Variants in PDE6A observed in about 807,000 individuals in gnomAD.
PDE6A encodes the protein phosphodiesterase 6A, also known as rod cGMP-specific 3',5'-cyclic phosphodiesterase subunit alpha.
In PDE6A, 84 loss-of-function variants were observed where a neutral mutation model predicts 106.3. The observed-to-expected ratio is 0.79, with a 90% CI of 0.66 to 0.95. PDE6A has a LOEUF of 0.95. Ranked by LOEUF, PDE6A falls within the 40% of genes least tolerant of loss-of-function variation. The pLI, the probability that PDE6A is intolerant of heterozygous loss-of-function variation, is 0.00. For synonymous variants in PDE6A, 394 were observed against 386.6 expected, an observed-to-expected ratio of 1.02 and a Z score of -0.23; for missense variants, 1,052 against 1,084.9, an observed-to-expected ratio of 0.97 and a Z score of 0.43.
At chr5:149,898,024 A>C (rs1172038911) in intron 10 of PDE6A, among the ~76,000 whole-genome samples, 1 of 152,202 alleles carries the variant, frequency 6.6e-6, no homozygotes, top group African/African-American at 2.4e-5. Context: ...GTAGCAAGTC[A>C]TCCCTGAGCA....
intron 7 of PDE6A, among the ~76,000 whole-genome samples, chr5:149,906,531 A>AAAAAAAAAAAAAAAAAAAAAG (rs1753194394): frequency 6.7e-6 from 1 of 148,434 alleles, no homozygotes; most frequent in Non-Finnish European, 1.5e-5. Flanking sequence ...AAAAAAAAAA[A>AAAAAAAAAAAAAAAAAAAAAG]AAAAAAATCC....
chr5:149,870,850 G>C (rs1259816950), intron 17 of PDE6A, among the ~76,000 whole-genome samples: 1 of 117,748 alleles, frequency 8.5e-6, no homozygotes, highest in African/African-American at 3.4e-5. Flanking sequence ...GAAAAAAGAA[G>C]AAGAAAGAAA....
chr5:149,866,844 T>C (rs1208035324), intron 19 of PDE6A: 1 of 154,292 alleles, frequency 6.5e-6, no homozygotes, highest in Non-Finnish European at 1.4e-5. Flanking sequence ...AAAAATGCAC[T>C]GGAAGGAATT....
chr5:149,875,778 G>A (rs1760717549), intron 17 of PDE6A, among the ~76,000 whole-genome samples: 1 of 152,214 alleles, frequency 6.6e-6, no homozygotes, highest in African/African-American at 2.4e-5. Context: ...TGTGGCCACT[G>A]TGCCTGGCCA....
chr5:149,903,966 G>A (rs1753083226), intron 7 of PDE6A, among the ~76,000 whole-genome samples: 1 of 152,204 alleles, frequency 6.6e-6, no homozygotes, highest in East Asian at 1.9e-4. Flanking sequence ...GTCATTACTA[G>A]TAGCTGGAGG....
At chr5:149,903,275 T>C (rs1753054642) in intron 8 of PDE6A, among the ~76,000 whole-genome samples, 1 of 150,478 alleles carries the variant, frequency 6.6e-6, no homozygotes, top group African/African-American at 2.4e-5. Context: ...ACTTTGGAGC[T>C]TTTGTATATT....
At chr5:149,918,230 C>T (rs893985859) in intron 5 of PDE6A, among the ~76,000 whole-genome samples, 19 of 152,268 alleles carry the variant, frequency 1.2e-4, no homozygotes, top group African/African-American at 4.6e-4. Flanking sequence ...TTTAAAAAGT[C>T]TGGAGATGAT....
At chr5:149,886,149 C>CA in intron 14 of PDE6A, 116 bp downstream of exon 14, 1 of 763,236 alleles carries the variant, frequency 1.3e-6, no homozygotes, top group South Asian at 1.4e-5. Context: ...GGGCAGAAGG[C>CA]GGTGGGAAGC....
At chr5:149,888,715 A>T (rs1055992096) in intron 13 of PDE6A, among the ~76,000 whole-genome samples, 1 of 151,978 alleles carries the variant, frequency 6.6e-6, no homozygotes, top group Non-Finnish European at 1.5e-5. Context: ...AGTTGAATGG[A>T]TAAGAAAGTT....
intron 17 of PDE6A, among the ~76,000 whole-genome samples, chr5:149,879,580 C>A (rs181202203): frequency 8.9e-6 from 1 of 112,200 alleles, no homozygotes. Flanking sequence ...CCCCCCTCCC[C>A]CCACCCCACA....
At chr5:149,915,031 A>ATT in intron 5 of PDE6A, 24 bp from the exon 6 acceptor site, 4 of 1,155,096 alleles carry the variant, frequency 3.5e-6, no homozygotes, top group South Asian at 3.4e-5. Context: ...GAAAAATTAT[A>ATT]CTTTTTTTTT....
intron 1 of PDE6A, among the ~76,000 whole-genome samples, chr5:149,939,852 A>G (rs973963968): frequency 2.6e-5 from 4 of 152,112 alleles, no homozygotes; most frequent in Admixed American, 6.5e-5. Context: ...CTCATTTTAT[A>G]GAGGAGGAGG....
At chr5:149,887,795 T>A (rs1196919987) in intron 13 of PDE6A, among the ~76,000 whole-genome samples, 1 of 149,716 alleles carries the variant, frequency 6.7e-6, no homozygotes. Context: ...CATGAGAACA[T>A]CTTATCAATA....
At chr5:149,903,760 T>A in intron 7 of PDE6A, 65 bp from the exon 8 acceptor site, 1 of 1,157,196 alleles carries the variant, frequency 8.6e-7, no homozygotes, top group Non-Finnish European at 1.3e-6. Context: ...AGTGAAGCAC[T>A]GTATACCATT....
At chr5:149,876,863 G>A (rs1434471749) in intron 17 of PDE6A, among the ~76,000 whole-genome samples, 2 of 145,736 alleles carry the variant, frequency 1.4e-5, no homozygotes, top group African/African-American at 5.5e-5. Context: ...AAGGTACATG[G>A]AGGGTATGTA....
intron 8 of PDE6A, among the ~76,000 whole-genome samples, chr5:149,903,147 T>TA (rs373566897): frequency 0.023 from 2,080 of 90,950 alleles, 88 homozygotes; most frequent in African/African-American, 0.047. Context: ...AGACCCTCTC[T>TA]AAAAAAAAAA....
rs77925690 is a variant in PDE6A at position 149,930,060 on chromosome 5, C to A, written c.858+968G>T. Among the ~76,000 whole-genome samples, 5 of 152,234 alleles carry A rather than the reference C, an allele frequency of 3.3e-5. No homozygotes were observed. The East Asian group carries it at 9.7e-4, about 29-fold the overall frequency. On this transcript the variant is annotated intron_variant, in intron 4 of 21. Transcript: ENST00000255266. ...TACAGGTGTGAGCCACTGTGCCAGG[C>A]CTATGTTTCAATATAAAGGCTCATT...
In PDE6A at chr5:149,932,376, C is replaced by T. The variant is rs560272234; in HGVS notation, c.718-1208G>A. 1.6e-5 allele frequency: 23 copies of T among 1,396,726 alleles called. No individual in the cohort carries two copies. In the African/African-American group the frequency reaches 3.1e-4, roughly 19 times the overall value. The allele number at this position is 1,396,726 out of a possible 1,614,324, so 86.5% of individuals were successfully genotyped here. A position where few individuals can be genotyped will look rare whatever the true frequency, so the allele number is the denominator to read the frequency against. On this transcript the variant is annotated intron_variant, in intron 3 of 21. Coordinates refer to ENST00000255266, the MANE Select transcript of PDE6A (RefSeq NM_000440.3). Reference sequence around the variant, plus strand: ...ATCCAGAAAATCTAGTGGTCTTTCACTTAGCCTAAGTACACGAGGTGCTGT... The same window carrying T: ...ATCCAGAAAATCTAGTGGTCTTTCATTTAGCCTAAGTACACGAGGTGCTGT...
intron 5 of PDE6A, among the ~76,000 whole-genome samples, chr5:149,920,122 G>A (rs1229588537): frequency 2.0e-5 from 3 of 151,998 alleles, no homozygotes; most frequent in African/African-American, 4.8e-5. Context: ...GAGGCCAGGA[G>A]TTCAAGACCA....
Sources: allele counts gnomAD v4.1 joint callset (sites outside exome capture counted in the v4.1 genomes callset), GRCh38; gene constraint gnomAD v4.1.1; transcripts MANE v1.5; gene names NCBI Gene and HGNC (gene_info 2026-07-23, HGNC 2026-07-21).